Variants in NGLY1 observed in about 807,000 individuals in gnomAD.
The protein encoded by NGLY1 is N-glycanase 1, also known as peptide-N(4)-(N-acetyl-beta-glucosaminyl)asparagine amidase.
In NGLY1, 68 loss-of-function variants were observed where a neutral mutation model predicts 84.6. The observed-to-expected ratio is 0.80, with a 90% confidence interval of 0.66 to 0.98. The LOEUF (loss-of-function observed/expected upper bound fraction) is 0.98, where lower values mean the gene tolerates loss of function less well. NGLY1 is among the 50% of genes least tolerant of loss of function. The pLI is 0.00. For missense variants in NGLY1, 779 were observed against 770.2 expected (o/e 1.01, Z -0.14); for synonymous variants, 280 against 275.2 (o/e 1.02, Z -0.17).
intron 4 of NGLY1, among the ~76,000 whole-genome samples, chr3:25,747,493 T>C (rs577990393): frequency 6.6e-6 from 1 of 152,216 alleles, no homozygotes; most frequent in South Asian, 2.1e-4. Context: ...AGACAAAAAT[T>C]ACCAAAATAC....
At position 25,730,836 on chromosome 3, in the gene NGLY1, C is replaced by T. The variant is rs183040130; in HGVS notation, c.1425+1483G>A. On this transcript the variant is annotated intron_variant, in intron 9 of 11. Coordinates refer to ENST00000280700, the MANE Select transcript of NGLY1 (RefSeq NM_018297.4). ...AAATACAACTTTAATTTGTTTGGAA[C>T]TGCTTGATACTGATATTGTGATGAG... Among the ~76,000 whole-genome samples, 22 of 152,190 alleles carry T rather than the reference C, an allele frequency of 1.4e-4. No individual in the cohort carries two copies. The East Asian group carries it at 3.3e-3, about 23-fold the overall frequency.
upstream of NGLY1, among the ~76,000 whole-genome samples, chr3:25,785,491 G>C (rs1708583100): frequency 6.7e-6 from 1 of 149,454 alleles, no homozygotes; most frequent in African/African-American, 2.5e-5. Context: ...ATATTATACA[G>C]TACTTGTAAC....
At chr3:25,769,792 TTTAA>T (rs1707807512) in intron 2 of NGLY1, among the ~76,000 whole-genome samples, 3 of 152,312 alleles carry the variant, frequency 2.0e-5, no homozygotes, top group Admixed American at 2.0e-4. Context: ...ATTTCTTTTA[TTTAA>T]TTCTTTTTTT....
intron 3 of NGLY1, among the ~76,000 whole-genome samples, chr3:25,760,503 T>C (rs558372467): frequency 1.3e-5 from 2 of 152,230 alleles, no homozygotes; most frequent in East Asian, 3.9e-4. Flanking sequence ...TTAAGAGTGG[T>C]AGGTTCATGA....
chr3:25,764,217 T>C lies in NGLY1; in HGVS notation c.341A>G (p.Asp114Gly). 1 of 1,614,134 alleles carries C rather than the reference T, an allele frequency of 6.2e-7. No individual in the cohort carries two copies. Among genetic ancestry groups the C allele is most frequent in the Non-Finnish European group, 8.5e-7 (1 of 1,180,020 alleles). The change falls in exon 3 of 12, where the codon GAT (aspartate) becomes GGT (glycine). Residue 114 changes from aspartate (D) to glycine (G), a missense_variant. Asp to Gly is a moderately conservative substitution (Grantham distance 94). Coordinates refer to ENST00000280700, the MANE Select transcript of NGLY1 (RefSeq NM_018297.4). ...TACTTTGTGGCTCTTATTTGAGCCA[T>C]CCAGTCTGCTACTTCTCTCTATGGC... ...LIAIERSSRL[D>G]GSNKSHKVKS...
chr3:25,736,192 GAAATCAGAATGACTTTCAAT>G (rs746528575), intron 6 of NGLY1, 43 bp from the exon 7 acceptor site: 4 of 1,598,292 alleles, frequency 2.5e-6, no homozygotes, highest in Non-Finnish European at 3.4e-6. Flanking sequence ...AAAAGACAAT[GAAATCAGAATGACTTTCAAT>G]AACTATACAC....
intron 2 of NGLY1, among the ~76,000 whole-genome samples, chr3:25,768,422 TAAAA>T (rs71087723): frequency 2.2e-5 from 3 of 134,418 alleles, no homozygotes; most frequent in Non-Finnish European, 3.2e-5. Context: ...AAACTCCATC[TAAAA>T]AAAAAAAAAA....
In NGLY1 at chr3:25,732,372, T is replaced by C; in HGVS notation, c.1372A>G (p.Arg458Gly). 2.5e-6 allele frequency: 4 copies of C among 1,613,738 alleles called. No individual in the cohort carries two copies. The highest frequency in any genetic ancestry group is 2.5e-6 in the Non-Finnish European group (3 of 1,179,720). The change falls in exon 9 of 12, where the codon AGA (arginine) becomes GGA (glycine). Residue 458 changes from arginine to glycine, a missense_variant. Coordinates refer to ENST00000280700, the MANE Select transcript of NGLY1 (RefSeq NM_018297.4). Reference sequence around the variant, plus strand: ...CTCCAAGCCACTGACCCAGATATTCTTCCCCCAAGTTCTCCAGGTTTAGGG... The same window carrying C: ...CTCCAAGCCACTGACCCAGATATTCCTCCCCCAAGTTCTCCAGGTTTAGGG... ...KTPKPGELGGRISGSVAWRVA... is the reference protein window; with the variant it reads ...KTPKPGELGGGISGSVAWRVA...
intron 1 of NGLY1, among the ~76,000 whole-genome samples, chr3:25,789,307 G>A (rs769875675): frequency 1.3e-5 from 2 of 151,962 alleles, no homozygotes; most frequent in African/African-American, 4.8e-5. Context: ...TTAAGTGAAA[G>A]GAAGTTTATT....
chr3:25,723,674 A>G (rs1182883480), intron 10 of NGLY1, among the ~76,000 whole-genome samples: 1 of 152,136 alleles, frequency 6.6e-6, no homozygotes, highest in East Asian at 1.9e-4. Context: ...AGAGAAAAAA[A>G]ATTTTTTTTA....
At chr3:25,767,735 C>T (rs1260905916) in intron 2 of NGLY1, among the ~76,000 whole-genome samples, 1 of 152,202 alleles carries the variant, frequency 6.6e-6, no homozygotes, top group Non-Finnish European at 1.5e-5. Context: ...CAAAAGCCCA[C>T]CATGCTGGGA....
intron 3 of NGLY1, among the ~76,000 whole-genome samples, chr3:25,761,630 T>A (rs1707327922): frequency 6.6e-6 from 1 of 152,180 alleles, no homozygotes; most frequent in Admixed American, 6.5e-5. Context: ...ATGGTACAAT[T>A]TTGAAAAACA....
At chr3:25,761,107 T>A (rs566572785) in intron 3 of NGLY1, among the ~76,000 whole-genome samples, 2 of 152,276 alleles carry the variant, frequency 1.3e-5, no homozygotes, top group South Asian at 4.1e-4. Context: ...TACCCATATA[T>A]AAACTGGCAG....
intron 10 of NGLY1, among the ~76,000 whole-genome samples, chr3:25,722,594 A>G (rs1054554795): frequency 6.6e-6 from 1 of 152,192 alleles, no homozygotes; most frequent in Non-Finnish European, 1.5e-5. Flanking sequence ...CTCTCCAAAG[A>G]AAATGTTCTT....
chr3:25,783,347 G>C lies in NGLY1; in HGVS notation c.44C>G (p.Pro15Arg), dbSNP rs754904758. Reference sequence around the variant, plus strand: ...GTTCTGGCAGAGCTCAGCCACGGCCGGGGACGCCGAGCCTGAGGAGCTGCC... The same window carrying C: ...GTTCTGGCAGAGCTCAGCCACGGCCCGGGACGCCGAGCCTGAGGAGCTGCC... ...ALGSSSGSAS[P>R]AVAELCQNTP... The change falls in exon 1 of 12, where the codon CCG becomes CGG. Residue 15 changes from proline to arginine, a missense_variant. Transcript: ENST00000280700. This position sits in a 1 kb window ranked among gnomAD's most constrained non-coding sequence, Gnocchi z 4.5. 2.1e-5 allele frequency: 33 copies of C among 1,575,066 alleles called. No individual in the cohort carries two copies. In the Admixed American group the frequency reaches 5.3e-4, roughly 26 times the overall value.
At position 25,719,926 on chromosome 3, in the gene NGLY1, GA is replaced by G. The variant is rs1704896899; in HGVS notation, c.1789+87del. 5 of 1,176,444 alleles carry G rather than the reference GA, an allele frequency of 4.3e-6. No homozygotes were observed. In the Admixed American group the frequency reaches 1.2e-4, roughly 29 times the overall value. 72.9% of individuals were successfully genotyped at this position (1,176,444 alleles called of 1,614,324 possible). A position where few individuals can be genotyped will look rare whatever the true frequency, so the allele number is the denominator to read the frequency against. ...AATAGTATTAATAACTCTTAGGTAC[GA>G]AAAAGAGCTACATCTCAAATAAGTA... On this transcript the variant is annotated intron_variant, in intron 11 of 11. Coordinates refer to ENST00000280700, the MANE Select transcript of NGLY1 (RefSeq NM_018297.4).
chr3:25,725,318 G>A (rs558842518), intron 10 of NGLY1, among the ~76,000 whole-genome samples: 14 of 152,310 alleles, frequency 9.2e-5, no homozygotes, highest in African/African-American at 3.1e-4. Flanking sequence ...GGCACACCCG[G>A]GGAGGGCAGA....
At chr3:25,742,417 A>C (rs1323170661) in intron 4 of NGLY1, among the ~76,000 whole-genome samples, 1 of 152,220 alleles carries the variant, frequency 6.6e-6, no homozygotes, top group Non-Finnish European at 1.5e-5. Context: ...AAAAACACCA[A>C]GGAGCTGAAT....
At chr3:25,727,729 G>A (rs187274211) in intron 10 of NGLY1, among the ~76,000 whole-genome samples, 91 of 152,262 alleles carry the variant, frequency 6.0e-4, no homozygotes, top group African/African-American at 2.1e-3. Flanking sequence ...ACAAATGAGT[G>A]TATAAGACAA....
Sources: gnomAD v4.1 joint callset for allele counts (sites outside exome capture counted in the v4.1 genomes callset) on GRCh38, gnomAD v4.1.1 for gene constraint, Gnocchi (gnomAD v3.1) non-coding constraint, MANE v1.5 for transcripts, NCBI Gene and HGNC (gene_info 2026-07-23, HGNC 2026-07-21) for gene names.